Variants in STAG3 observed in about 807,000 individuals in gnomAD.
STAG3 encodes the protein STAG3 cohesin complex component, also known as cohesin subunit SA-3.
Under a neutral mutation model 160.7 loss-of-function variants are expected in STAG3, and 101 were observed. The ratio of observed to expected loss-of-function variants is 0.63; its 90% CI spans 0.54 to 0.74. STAG3 has a LOEUF of 0.74. Ranked by LOEUF, STAG3 falls within the 30% of genes least tolerant of loss-of-function variation. The pLI is 0.00. For missense variants in STAG3, 1,188 were observed against 1,517.4 expected (o/e 0.78, Z 3.61); for synonymous variants, 519 against 585.0 (o/e 0.89, Z 1.63).
At position 100,195,157 on chromosome 7, in the gene STAG3, TAGA is replaced by T. The variant is rs1800601634; in HGVS notation, c.868-149_868-147del. ...TTGACTATACAGCTTCTTCCAGAATTAGAAGGTTTAAAAGAGAGCATAGGATTA... is the reference window on the plus strand; with the variant it reads ...TTGACTATACAGCTTCTTCCAGAATTAGGTTTAAAAGAGAGCATAGGATTA... On this transcript the variant is annotated intron_variant, in intron 8 of 33. Coordinates refer to ENST00000615138, the MANE Select transcript of STAG3 (RefSeq NM_001282717.2). 5 of 709,252 alleles carry T rather than the reference TAGA, an allele frequency of 7.0e-6. No homozygotes were observed. In the East Asian group the frequency reaches 1.4e-4, roughly 19 times the overall value. The allele number at this position is 709,252 out of a possible 1,614,324, so 43.9% of individuals were successfully genotyped here.
rs750293273 is a variant in STAG3, at chr7:100,197,826, G to A, written c.1114G>A (p.Gly372Ser). The change falls in exon 11 of 34, where the codon GGT (glycine) becomes AGT (serine). Residue 372 changes from glycine to serine, a missense_variant. Gly to Ser is a moderately conservative substitution (Grantham distance 56). Transcript: ENST00000615138. ...TGTGAAGGCCCTGAAAGGGCTGTAC[G>A]GTAACCGGGACCTGACCACACGCCT... Reference protein sequence around the residue: ...KCVKALKGLYGNRDLTTRLEL... With the variant: ...KCVKALKGLYSNRDLTTRLEL... The A allele has an allele frequency of 4.3e-6, 7 of 1,613,810 alleles. No individual in the cohort carries two copies. The South Asian group carries it at 4.4e-5, about 10-fold the overall frequency.
chr7:100,203,502 TTTTATTTATTTA>T (rs763907029), intron 25 of STAG3, among the ~76,000 whole-genome samples: 1 of 151,402 alleles, frequency 6.6e-6, no homozygotes, highest in Non-Finnish European at 1.5e-5. Context: ...TTGTTTTTTA[TTTTATTTATTTA>T]TTTATTTATT....
chr7:100,198,386 GTTGCTTTTGCCTC>G lies in STAG3; in HGVS notation c.1245-86_1245-74del, dbSNP rs1475214041. On this transcript the variant is annotated intron_variant, in intron 12 of 33. Transcript: ENST00000615138. The stretch of plus-strand genomic sequence containing the variant: ...GAAGTTTTTTGTGAGTTATGTCCTT[GTTGCTTTTGCCTC>G]TTTTTGTTTCTAGCCTTGGTTGTGC... 2.1e-6 allele frequency: 3 copies of G among 1,432,326 alleles called. No individual in the cohort carries two copies. In the African/African-American group the frequency reaches 4.2e-5, roughly 20 times the overall value. 88.7% of individuals were successfully genotyped at this position (1,432,326 alleles called of 1,614,324 possible). A position where few individuals can be genotyped will look rare whatever the true frequency, so the allele number is the denominator to read the frequency against.
Position 100,198,132 on chromosome 7 carries a change from G to A in STAG3, c.1210G>A (p.Val404Met), listed in dbSNP as rs1260233396. 2 of 1,613,880 alleles carry A rather than the reference G, an allele frequency of 1.2e-6. No individual in the cohort carries two copies. Among genetic ancestry groups the A allele is most frequent in the African/African-American group, 1.3e-5 (1 of 74,930 alleles). The change falls in exon 12 of 34, where the codon GTG becomes ATG. Residue 404 changes from valine (V) to methionine (M), a missense_variant. Coordinates refer to ENST00000615138, the MANE Select transcript of STAG3 (RefSeq NM_001282717.2). The stretch of plus-strand genomic sequence containing the variant: ...CATGGACAGAGAGTATGATGTGGCA[G>A]TGGAGGCTGTCAGATTACTGATACT... Reference protein sequence around the residue: ...MVMDREYDVAVEAVRLLILIL... With the variant: ...MVMDREYDVAMEAVRLLILIL...
Position 100,189,038 on chromosome 7 carries a change from G to A in STAG3, c.715+22G>A, listed in dbSNP as rs777568017. On this transcript the variant is annotated intron_variant, in intron 7 of 33. Coordinates refer to ENST00000615138, the MANE Select transcript of STAG3 (RefSeq NM_001282717.2). Reference sequence around the variant, plus strand: ...GCTGGTGAGCATTCATTTTTACTCTGGACATTCTCCTGGGGATTTATAGGA... The same window carrying A: ...GCTGGTGAGCATTCATTTTTACTCTAGACATTCTCCTGGGGATTTATAGGA... 2.8e-5 allele frequency: 45 copies of A among 1,612,492 alleles called. No individual in the cohort carries two copies. The African/African-American group carries it at 5.2e-4, about 19-fold the overall frequency.
At position 100,211,643 on chromosome 7, in the gene STAG3, G is replaced by A. The variant is rs1039227577; in HGVS notation, c.3518+104G>A. On this transcript the variant is annotated intron_variant, in intron 31 of 33. Coordinates refer to ENST00000615138, the MANE Select transcript of STAG3 (RefSeq NM_001282717.2). ...CTCTCTGTGGGTGCTTTTTGGACTT[G>A]TTTTAGCCACAGAGCACTTCCTGTC... The A allele has an allele frequency of 4.1e-6, 6 of 1,456,268 alleles. No homozygotes were observed. The African/African-American group carries it at 8.5e-5, about 21-fold the overall frequency. 90.2% of individuals were successfully genotyped at this position (1,456,268 alleles called of 1,614,324 possible).
rs760956463 is a variant in STAG3 at position 100,200,521 on chromosome 7, C to T, written c.1839C>T (p.Tyr613=). 1.3e-5 allele frequency: 21 copies of T among 1,613,982 alleles called. No individual in the cohort carries two copies. The highest frequency in any genetic ancestry group is 1.5e-5 in the Non-Finnish European group (18 of 1,180,040). ...TCAGCTGCTTTGACCTCCACATCTACTGCACTGGGCGCTTGGAGAAGGTAG... is the reference window on the plus strand; with the variant it reads ...TCAGCTGCTTTGACCTCCACATCTATTGCACTGGGCGCTTGGAGAAGGTAG... ...QLLSCFDLHI[Y]CTGRLEKHLE... Residue 613 remains tyrosine, a synonymous_variant, in exon 18 of 34, where the codon TAC becomes TAT. Transcript: ENST00000615138.
rs1584711240 is a variant in STAG3, at chr7:100,197,864, C to T, written c.1152C>T (p.Thr384=). 6.2e-7 allele frequency: 1 copy of T among 1,613,872 alleles called. No individual in the cohort carries two copies. Among genetic ancestry groups the T allele is most frequent in the Non-Finnish European group, 8.5e-7 (1 of 1,179,900 alleles). The change falls in exon 11 of 34, where the codon ACC becomes ACT. Residue 384 remains threonine (T), a synonymous_variant. Transcript: ENST00000615138. ...TGACCACACGCCTGGAGCTCTTCAC[C>T]AGCCGCTTCAAGGTAAAATGGGTGG... ...RDLTTRLELF[T]SRFKDRMVSM...
At chr7:100,213,239 C>A in intron 32 of STAG3, 2 of 958,248 alleles carry the variant, frequency 2.1e-6, no homozygotes, top group Non-Finnish European at 2.5e-6. Context: ...AAAGGCCCCA[C>A]TTCCAAACAG....
rs1454823868 is a variant in STAG3, at chr7:100,211,442, C to T, written c.3421C>T (p.Pro1141Ser). The change falls in exon 31 of 34, where the codon CCC (proline) becomes TCC (serine). Residue 1141 changes from proline (P) to serine (S), a missense_variant. Transcript: ENST00000615138. ...SELDFAQGSQ[P>S]VAGTERSRFL... ...ATCCTGCTTCATTCCCAGCAGTCAG[C>T]CCGTCGCAGGCACCGAGAGGTCAAG... The T allele has an allele frequency of 6.2e-7, 1 of 1,613,696 alleles. No homozygotes were observed. Among genetic ancestry groups the T allele is most frequent in the Admixed American group, 1.7e-5 (1 of 59,896 alleles).
chr7:100,188,321 A>G, intron 5 of STAG3, 132 bp from the exon 6 acceptor site: 1 of 770,936 alleles, frequency 1.3e-6, no homozygotes. Context: ...CAGACTGTTG[A>G]CCAGGGGGTC....
At chr7:100,199,176 G>A in intron 14 of STAG3, 86 bp from the exon 15 acceptor site, 1 of 1,025,688 alleles carries the variant, frequency 9.7e-7, no homozygotes, top group Non-Finnish European at 1.5e-6. Context: ...GACACTGTAG[G>A]AAGGAGAGCG....
chr7:100,195,565 A>G (rs1281956503), intron 9 of STAG3, among the ~76,000 whole-genome samples, 183 bp downstream of exon 9: 3 of 152,240 alleles, frequency 2.0e-5, no homozygotes, highest in Admixed American at 6.5e-5. Flanking sequence ...ATCACCACCT[A>G]CAAAGGATCT....
rs375094189 is a variant in STAG3 at position 100,189,491 on chromosome 7, T to C, written c.762T>C (p.Ser254=). 6.2e-5 allele frequency: 100 copies of C among 1,614,038 alleles called. No individual in the cohort carries two copies. The highest frequency in any genetic ancestry group is 1.6e-4 in the Middle Eastern group (1 of 6,062). Residue 254 remains serine, a synonymous_variant, in exon 8 of 34, where the codon AGT becomes AGC. Transcript: ENST00000615138. ...TGGTAAAAGTTGCCCTCCAACTGAG[T>C]GTGCACCAAGATAACAATCAGCGTC... ...TSLVKVALQL[S]VHQDNNQRQY... is the part of the protein sequence containing the mutation.
At chr7:100,216,706 C>T (rs112279715), downstream of STAG3, among the ~76,000 whole-genome samples, 4,946 of 151,404 alleles carry the variant, frequency 0.033, 283 homozygotes, top group African/African-American at 0.11. Context: ...GAGGCTGAGA[C>T]AGGAGAATCG....
At position 100,211,795 on chromosome 7, in the gene STAG3, ACT is replaced by A; in HGVS notation, c.3521_3522del (p.Leu1174GlnfsTer16). ...GCCAGTCTCTTTGCCCCTACATCAG[ACT>A]CAGCCTTATGGAAGAGGACGAGGAA... ...GPGLGNQLMR[L>X]SLMEEDEEEE... On this transcript the variant is annotated frameshift_variant and splice_region_variant, in exon 32 of 34. Coordinates refer to ENST00000615138, the MANE Select transcript of STAG3 (RefSeq NM_001282717.2). LOFTEE classifies it high-confidence loss of function. 6.2e-7 allele frequency: 1 copy of A among 1,613,928 alleles called. No individual in the cohort carries two copies. Among genetic ancestry groups the A allele is most frequent in the Non-Finnish European group, 8.5e-7 (1 of 1,179,962 alleles).
At chr7:100,180,441 T>C (rs1475397917) in intron 1 of STAG3, 52 bp from the exon 2 acceptor site, 2 of 708,090 alleles carry the variant, frequency 2.8e-6, no homozygotes, top group Admixed American at 3.9e-5. Flanking sequence ...TGGTCAGGGC[T>C]GGGGATGGAG....
chr7:100,213,998 T>C lies in STAG3; in HGVS notation c.3673-9T>C. 1 of 1,614,188 alleles carries C rather than the reference T, an allele frequency of 6.2e-7. No individual in the cohort carries two copies. The highest frequency in any genetic ancestry group is 8.5e-7 in the Non-Finnish European group (1 of 1,180,028). Reference sequence around the variant, plus strand: ...GTCCTGTGTATTCCTTTCATCTTTCTCATTATAGGATTTCTGACAGGACTC... The same window carrying C: ...GTCCTGTGTATTCCTTTCATCTTTCCCATTATAGGATTTCTGACAGGACTC... On this transcript the variant is annotated splice_polypyrimidine_tract_variant and intron_variant, in intron 33 of 33. Coordinates refer to ENST00000615138, the MANE Select transcript of STAG3 (RefSeq NM_001282717.2).
rs1799683355 is a variant in STAG3, at chr7:100,182,110, CTGA to C, written c.141_143del (p.Asp47del). 22 of 1,613,628 alleles carry C rather than the reference CTGA, an allele frequency of 1.4e-5. No homozygotes were observed. The highest frequency in any genetic ancestry group is 1.7e-5 in the Non-Finnish European group (20 of 1,179,854). On this transcript the variant is annotated inframe_deletion, in exon 3 of 34. Transcript: ENST00000615138. ...CACAGGAATGGCGACTCTTTGTTAG[CTGA>C]TGAAGACACTGACTTTGAAGACAGC...
Sources: gnomAD v4.1 joint callset for allele counts (sites outside exome capture counted in the v4.1 genomes callset) on GRCh38, gnomAD v4.1.1 for gene constraint, MANE v1.5 for transcripts, NCBI Gene and HGNC (gene_info 2026-07-23, HGNC 2026-07-21) for gene names.